Variants in SND1 observed in about 807,000 individuals in gnomAD.
SND1 encodes the protein staphylococcal nuclease and tudor domain containing 1, also known as staphylococcal nuclease domain-containing protein 1.
In SND1, 38 loss-of-function variants were observed where a neutral mutation model predicts 121.7. The observed-to-expected ratio is 0.31, with a 90% CI of 0.24 to 0.41. The LOEUF (loss-of-function observed/expected upper bound fraction) is 0.41. SND1 is among the 10% of genes least tolerant of loss of function. The pLI, the probability that SND1 is intolerant of heterozygous loss-of-function variation, is 1.00. For synonymous variants in SND1, 401 were observed against 447.4 expected, an observed-to-expected ratio of 0.90 and a Z score of 1.31; for missense variants, 868 against 1,184.6, an observed-to-expected ratio of 0.73 and a Z score of 3.92.
intron 15 of SND1, among the ~76,000 whole-genome samples, chr7:127,985,618 A>C (rs910515160): frequency 1.3e-5 from 2 of 152,206 alleles, no homozygotes; most frequent in African/African-American, 2.4e-5. Context: ...GTCACCAATA[A>C]CATACCTTTT....
rs1002804442 is a variant in SND1, at chr7:127,877,211, C to G, written c.1344-10691C>G. On this transcript the variant is annotated intron_variant, in intron 12 of 23. Transcript: ENST00000354725. Reference sequence around the variant, plus strand: ...AACAAGATTACAGTACTGCAGAAATCCTGGGGGCAGAATAAAATTGTCTAT... The same window carrying G: ...AACAAGATTACAGTACTGCAGAAATGCTGGGGGCAGAATAAAATTGTCTAT... Among the ~76,000 whole-genome samples, 21 of 152,054 alleles carry G rather than the reference C, an allele frequency of 1.4e-4. No individual in the cohort carries two copies. The South Asian group carries it at 4.3e-3, about 31-fold the overall frequency.
intron 16 of SND1, among the ~76,000 whole-genome samples, chr7:128,025,483 A>G (rs950963400): frequency 6.6e-6 from 1 of 152,252 alleles, no homozygotes; most frequent in Non-Finnish European, 1.5e-5. Context: ...ACTCCGTATC[A>G]TCAGCAAGAG....
At chr7:127,762,689 T>G (rs1797326260) in intron 10 of SND1, among the ~76,000 whole-genome samples, 1 of 152,236 alleles carries the variant, frequency 6.6e-6, no homozygotes, top group Non-Finnish European at 1.5e-5. Context: ...CAACTATGAC[T>G]GAAACTCAAG....
At chr7:127,810,683 A>G (rs932898218) in intron 11 of SND1, among the ~76,000 whole-genome samples, 10 of 152,230 alleles carry the variant, frequency 6.6e-5, no homozygotes, top group South Asian at 4.1e-4. Flanking sequence ...CTTAGAGATC[A>G]GTTTGCATTG....
intron 10 of SND1, among the ~76,000 whole-genome samples, chr7:127,773,391 G>A (rs1360266525): frequency 6.6e-6 from 1 of 151,920 alleles, no homozygotes; most frequent in African/African-American, 2.4e-5. Context: ...GGCAGAGGTT[G>A]CAGTGAGCTG....
intron 10 of SND1, among the ~76,000 whole-genome samples, chr7:127,765,259 T>G (rs1797390664): frequency 6.6e-6 from 1 of 152,202 alleles, no homozygotes; most frequent in Non-Finnish European, 1.5e-5. Flanking sequence ...CAGATTTTCA[T>G]TTAACAGTCA....
intron 14 of SND1, among the ~76,000 whole-genome samples, chr7:127,913,087 T>C (rs1800492899): frequency 6.6e-6 from 1 of 152,166 alleles, no homozygotes; most frequent in Non-Finnish European, 1.5e-5. Context: ...GATATGAGTG[T>C]CCTAGCTCTG....
At chr7:127,911,520 C>G (rs1800455096) in intron 14 of SND1, among the ~76,000 whole-genome samples, 1 of 151,802 alleles carries the variant, frequency 6.6e-6, no homozygotes, top group Non-Finnish European at 1.5e-5. Context: ...TCTTTTCTCT[C>G]TCTCTTTCTC....
At chr7:127,691,394 A>T (rs1357280546) in intron 2 of SND1, among the ~76,000 whole-genome samples, 1 of 151,664 alleles carries the variant, frequency 6.6e-6, no homozygotes, top group African/African-American at 2.4e-5. Context: ...TACAAAAAAA[A>T]TTAACCGGGC....
intron 10 of SND1, among the ~76,000 whole-genome samples, chr7:127,747,298 CAT>C (rs1355955903): frequency 2.0e-5 from 3 of 152,188 alleles, no homozygotes; most frequent in African/African-American, 7.2e-5. Context: ...ATAAATAGCA[CAT>C]GTGGCTGTGG....
chr7:127,926,571 T>C (rs1800840930), intron 14 of SND1, among the ~76,000 whole-genome samples: 1 of 146,436 alleles, frequency 6.8e-6, no homozygotes, highest in East Asian at 2.0e-4. Flanking sequence ...TTTTTTTTTT[T>C]TGTCGGAGTC....
chr7:127,857,998 TC>T, intron 12 of SND1: 5 of 1,455,160 alleles, frequency 3.4e-6, no homozygotes, highest in Non-Finnish European at 4.8e-6. Context: ...CAGCTCGGCA[TC>T]CCCCGGGTTC....
chr7:127,857,793 C>G, intron 12 of SND1: 1 of 718,098 alleles, frequency 1.4e-6, no homozygotes, highest in Non-Finnish European at 2.5e-6. Context: ...ACACTTGGAC[C>G]TCCTCCACAA....
At chr7:127,673,176 CAT>C (rs1336985876) in intron 1 of SND1, among the ~76,000 whole-genome samples, 8 of 138,074 alleles carry the variant, frequency 5.8e-5, no homozygotes, top group Admixed American at 5.7e-4. Flanking sequence ...CATATATAAA[CAT>C]ATACTATATA....
In SND1 at chr7:128,045,896, T is replaced by G. The variant is rs1373960469; in HGVS notation, c.1780-28606T>G. On this transcript the variant is annotated intron_variant, in intron 16 of 23. Transcript: ENST00000354725. ...GGCAGGAGAAGCATAGTTTCTTGTT[T>G]TGTGCCTTTTTAAAAGTTTAAAAAG... Among the ~76,000 whole-genome samples, 4 of 152,192 alleles carry G rather than the reference T, an allele frequency of 2.6e-5. No homozygotes were observed. In the East Asian group the frequency reaches 7.7e-4, roughly 29 times the overall value.
intron 15 of SND1, among the ~76,000 whole-genome samples, chr7:127,929,981 T>G (rs1236184522): frequency 6.6e-6 from 1 of 152,260 alleles, no homozygotes; most frequent in East Asian, 1.9e-4. Flanking sequence ...ATGTATAAAC[T>G]GTGCTCTTTG....
intron 14 of SND1, among the ~76,000 whole-genome samples, chr7:127,922,199 T>TTTTTTTTTTG (rs1554443300): frequency 5.3e-5 from 5 of 93,516 alleles, no homozygotes; most frequent in Admixed American, 2.3e-4. Flanking sequence ...TTTTTTTTTT[T>TTTTTTTTTTG]TTTTGTTTTG....
At chr7:127,742,733 A>T (rs1053549122) in intron 10 of SND1, among the ~76,000 whole-genome samples, 1 of 151,958 alleles carries the variant, frequency 6.6e-6, no homozygotes, top group African/African-American at 2.4e-5. Context: ...CTTTCCTCTG[A>T]GTGTTGTGTT....
At chr7:127,826,186 A>T in intron 11 of SND1, among the ~76,000 whole-genome samples, 1 of 152,212 alleles carries the variant, frequency 6.6e-6, no homozygotes, top group Non-Finnish European at 1.5e-5. Context: ...AGCGAAACTC[A>T]GTCTCAAAAA....
Sources: gnomAD v4.1 joint callset for allele counts (sites outside exome capture counted in the v4.1 genomes callset) on GRCh38, gnomAD v4.1.1 for gene constraint, MANE v1.5 for transcripts, NCBI Gene and HGNC (gene_info 2026-07-23, HGNC 2026-07-21) for gene names.